GSTO2: variants seen among roughly 807,000 people sequenced by gnomAD.
GSTO2 encodes glutathione S-transferase omega-2.
Under a neutral mutation model 28.4 loss-of-function variants are expected in GSTO2, and 23 were observed. The ratio of observed to expected loss-of-function variants is 0.81; its 90% CI spans 0.58 to 1.15. The LOEUF is 1.15. Among genes scored for constraint, GSTO2 ranks in the 50% most tolerant of loss-of-function variants. The pLI, the probability that GSTO2 is intolerant of heterozygous loss-of-function variation, is 0.00. For missense variants in GSTO2, 298 were observed against 297.8 expected, an observed-to-expected ratio of 1.00 and a Z score of 0.00; for synonymous variants, 109 against 111.0, an observed-to-expected ratio of 0.98 and a Z score of 0.11.
intron 5 of GSTO2, among the ~76,000 whole-genome samples, chr10:104,280,386 A>C (rs1443640270): frequency 6.6e-6 from 1 of 152,200 alleles, no homozygotes; most frequent in African/African-American, 2.4e-5. Flanking sequence ...GAGAATATAA[A>C]GAAAAAAATG....
intron 5 of GSTO2, chr10:104,288,445 A>G (rs1045018289): frequency 6.6e-6 from 1 of 152,242 alleles, no homozygotes; most frequent in Non-Finnish European, 1.5e-5. Flanking sequence ...GTATTTCACT[A>G]AATTGCTTCC....
intron 5 of GSTO2, among the ~76,000 whole-genome samples, chr10:104,292,437 C>T (rs965033814): frequency 5.3e-5 from 8 of 151,614 alleles, no homozygotes; most frequent in Admixed American, 3.9e-4. Context: ...GGATTACAGG[C>T]GTAAGGCACA....
intron 4 of GSTO2, among the ~76,000 whole-genome samples, chr10:104,278,495 T>G (rs144775185): frequency 5.1e-4 from 77 of 152,362 alleles, no homozygotes; most frequent in African/African-American, 1.7e-3. Flanking sequence ...TATTATTTTT[T>G]TTTTGAGACG....
intron 1 of GSTO2, among the ~76,000 whole-genome samples, chr10:104,270,022 T>C (rs1250562850): frequency 1.3e-5 from 2 of 152,048 alleles, no homozygotes; most frequent in African/African-American, 4.8e-5. Flanking sequence ...TACCTTTTTT[T>C]TTTTTTTTTG....
At chr10:104,296,034 T>C (rs1032093249) in intron 5 of GSTO2, 2 of 152,192 alleles carry the variant, frequency 1.3e-5, no homozygotes, top group African/African-American at 4.8e-5. Flanking sequence ...GCTTGCTTGA[T>C]TGAAGCAGGT....
At chr10:104,275,203 C>T in intron 2 of GSTO2, 23 bp from the exon 3 acceptor site, 1 of 1,598,710 alleles carries the variant, frequency 6.3e-7, no homozygotes, top group Non-Finnish European at 8.5e-7. Context: ...CTTTCCCTGT[C>T]CCCCTCCATC....
At chr10:104,278,640 C>A (rs1376340676) in intron 4 of GSTO2, among the ~76,000 whole-genome samples, 1 of 152,202 alleles carries the variant, frequency 6.6e-6, no homozygotes, top group African/African-American at 2.4e-5. Context: ...TGCCACCACA[C>A]CCCCTAATTG....
At chr10:104,298,762 A>G (rs1589878868) in intron 6 of GSTO2, among the ~76,000 whole-genome samples, 1 of 152,196 alleles carries the variant, frequency 6.6e-6, no homozygotes, top group East Asian at 1.9e-4. Context: ...ACCCAAGAAT[A>G]TTTGTTTCAG....
At chr10:104,295,570 ACTC>A (rs1325052343) in intron 5 of GSTO2, 1 of 151,768 alleles carries the variant, frequency 6.6e-6, no homozygotes, top group African/African-American at 2.4e-5. Context: ...TGGTGATTTT[ACTC>A]CTCACCATAA....
intron 5 of GSTO2, among the ~76,000 whole-genome samples, chr10:104,280,522 A>G (rs1029222747): frequency 3.3e-5 from 5 of 152,210 alleles, no homozygotes; most frequent in Non-Finnish European, 7.3e-5. Flanking sequence ...GCTGGGAAAT[A>G]CAGTCTTTTA....
chr10:104,274,127 G>A (rs894459707), intron 1 of GSTO2, among the ~76,000 whole-genome samples: 21 of 152,164 alleles, frequency 1.4e-4, no homozygotes, highest in African/African-American at 4.8e-4. Context: ...ATGTATCCTT[G>A]GCAACTAGTA....
chr10:104,276,060 A>G (rs1379186384), intron 3 of GSTO2, among the ~76,000 whole-genome samples: 1 of 152,206 alleles, frequency 6.6e-6, no homozygotes, highest in Non-Finnish European at 1.5e-5. Flanking sequence ...TGTGGACTGC[A>G]TAATGCAGCT....
At chr10:104,278,756 C>T (rs1387347442) in intron 4 of GSTO2, among the ~76,000 whole-genome samples, 1 of 152,216 alleles carries the variant, frequency 6.6e-6, no homozygotes, top group Non-Finnish European at 1.5e-5. Context: ...GCTAGGATTA[C>T]AGACGTGAGC....
At chr10:104,270,609 T>C (rs1430225853) in intron 1 of GSTO2, among the ~76,000 whole-genome samples, 1 of 152,200 alleles carries the variant, frequency 6.6e-6, no homozygotes, top group African/African-American at 2.4e-5. Context: ...ATTGGGAATA[T>C]GAAATTTTTC....
At chr10:104,275,452 C>A in intron 3 of GSTO2, 118 bp downstream of exon 3, 1 of 838,696 alleles carries the variant, frequency 1.2e-6, no homozygotes, top group Non-Finnish European at 1.8e-6. Flanking sequence ...TCCCTTTTTT[C>A]GGAGGCAAAG....
In GSTO2 at chr10:104,302,630, A is replaced by G. The variant is rs1343821069; in HGVS notation, c.*3346A>G. On this transcript the variant is annotated 3_prime_UTR_variant, in exon 7 of 7. Transcript: ENST00000338595. The stretch of plus-strand genomic sequence containing the variant: ...ATGGTTTGGATCTGAGACCCCACCA[A>G]ATTTCGTGTTGAAATGTAATCCCCA... The G allele has an allele frequency of 6.6e-6, 1 of 152,206 alleles. No homozygotes were observed. Among genetic ancestry groups the G allele is most frequent in the African/African-American group, 2.4e-5 (1 of 41,434 alleles). The allele number at this position is 152,206 out of a possible 1,614,324, so 9.4% of individuals were successfully genotyped here.
chr10:104,288,757 T>G (rs919428903), intron 5 of GSTO2, among the ~76,000 whole-genome samples: 3 of 152,238 alleles, frequency 2.0e-5, no homozygotes, highest in Admixed American at 2.0e-4. Context: ...CTTTGTTGAT[T>G]TGTAAAAGTT....
chr10:104,276,815 G>A (rs920017376), intron 3 of GSTO2, among the ~76,000 whole-genome samples: 3 of 152,102 alleles, frequency 2.0e-5, no homozygotes, highest in East Asian at 3.8e-4. Context: ...AGCAATGAAC[G>A]TTCCCATTTG....
rs531486263 is a variant in GSTO2, at chr10:104,280,792, G to T, written c.468+1321G>T. Among the ~76,000 whole-genome samples the T allele has an allele frequency of 6.6e-5, 10 of 152,316 alleles. No homozygotes were observed. In the South Asian group the frequency reaches 2.1e-3, roughly 32 times the overall value. On this transcript the variant is annotated intron_variant, in intron 5 of 6. Coordinates refer to ENST00000338595, the MANE Select transcript of GSTO2 (RefSeq NM_183239.2). ...GAATACAATTTTTTTCCCCTTAAGG[G>T]AAGACTGGTTATTAATACTCTTCCA...
Sources: allele counts gnomAD v4.1 joint callset (sites outside exome capture counted in the v4.1 genomes callset), GRCh38; gene constraint gnomAD v4.1.1; transcripts MANE v1.5; gene names NCBI Gene and HGNC (gene_info 2026-07-23, HGNC 2026-07-21).